The following SLC26A5 variants were observed in gnomAD, a reference collection of about 807,000 sequenced individuals.
The protein encoded by SLC26A5 is solute carrier family 26 member 5, also known as prestin.
SLC26A5 carries 51 observed loss-of-function variants against 81.0 expected under a neutral mutation model. That is an observed-to-expected ratio of 0.63 (90% confidence interval 0.50 to 0.80). The LOEUF is 0.80. Ranked by LOEUF, SLC26A5 falls within the 30% of genes least tolerant of loss-of-function variation. SLC26A5 has a pLI of 0.00. For missense variants in SLC26A5, 771 were observed against 905.8 expected (o/e 0.85, Z 1.91); for synonymous variants, 325 against 332.8 (o/e 0.98, Z 0.25).
intron 2 of SLC26A5, among the ~76,000 whole-genome samples, chr7:103,434,662 T>C (rs1444492060): frequency 2.6e-5 from 4 of 152,094 alleles, no homozygotes; most frequent in African/African-American, 9.7e-5. Flanking sequence ...TTTATTTATT[T>C]ATTTATTGAG....
chr7:103,425,942 A>G (rs1290231410), intron 2 of SLC26A5, among the ~76,000 whole-genome samples: 1 of 152,186 alleles, frequency 6.6e-6, no homozygotes, highest in East Asian at 1.9e-4. Flanking sequence ...GCAAAGGCTC[A>G]AAACCACTGA....
chr7:103,432,699 G>A (rs188753562), intron 2 of SLC26A5, among the ~76,000 whole-genome samples: 4 of 151,712 alleles, frequency 2.6e-5, no homozygotes, highest in Non-Finnish European at 5.9e-5. Flanking sequence ...TCTTCTGCTT[G>A]TTCTGTTTGC....
At chr7:103,420,608 C>T in intron 4 of SLC26A5, 130 bp downstream of exon 4, 2 of 1,267,864 alleles carry the variant, frequency 1.6e-6, no homozygotes, top group Non-Finnish European at 2.2e-6. Flanking sequence ...CTGAAGAATA[C>T]CTTTAGATAG....
chr7:103,403,172 GT>G (rs1254817027), intron 8 of SLC26A5, among the ~76,000 whole-genome samples: 5 of 152,188 alleles, frequency 3.3e-5, no homozygotes, highest in African/African-American at 1.2e-4. Flanking sequence ...TTTCCATGTA[GT>G]TATGCAGTTT....
chr7:103,405,638 CT>C (rs1823985162), intron 8 of SLC26A5, among the ~76,000 whole-genome samples: 1 of 152,208 alleles, frequency 6.6e-6, no homozygotes, highest in Admixed American at 6.5e-5. Flanking sequence ...TGGGAGGTGT[CT>C]CCCAGTCAGG....
intron 8 of SLC26A5, among the ~76,000 whole-genome samples, 195 bp from the exon 9 acceptor site, chr7:103,398,209 C>T (rs1563542187): frequency 6.6e-6 from 1 of 152,186 alleles, no homozygotes; most frequent in African/African-American, 2.4e-5. Flanking sequence ...AAAATGAACT[C>T]TACAGAGTTT....
At chr7:103,387,821 A>G (rs1822314267) in intron 14 of SLC26A5, among the ~76,000 whole-genome samples, 1 of 152,084 alleles carries the variant, frequency 6.6e-6, no homozygotes, top group Non-Finnish European at 1.5e-5. Context: ...AGCTGGGATT[A>G]CAGGTGCACG....
At chr7:103,389,288 C>G (rs1563528802) in intron 13 of SLC26A5, 41 bp downstream of exon 13, 5 of 1,428,218 alleles carry the variant, frequency 3.5e-6, no homozygotes, top group Non-Finnish European at 4.0e-6. Context: ...ATCATATCTG[C>G]TCTATGACAT....
At chr7:103,441,937 G>T (rs57800377) in intron 2 of SLC26A5, among the ~76,000 whole-genome samples, 6,127 of 152,238 alleles carry the variant, frequency 0.04, 212 homozygotes, top group East Asian at 0.18. Context: ...GCGCAATGCT[G>T]GGCCAGGCTA....
intron 11 of SLC26A5, among the ~76,000 whole-genome samples, chr7:103,391,211 C>T (rs1422940313): frequency 6.6e-6 from 1 of 152,182 alleles, no homozygotes; most frequent in Non-Finnish European, 1.5e-5. Context: ...GTCGAACTAA[C>T]CACATTTCAA....
In SLC26A5 at chr7:103,362,237, T is replaced by G. The variant is rs191477205; in HGVS notation, c.2042-9311A>C. The G allele has an allele frequency of 1.2e-4, 178 of 1,443,362 alleles. 1 individual carries two copies. The East Asian group carries it at 2.6e-3, about 21-fold the overall frequency. The allele number at this position is 1,443,362 out of a possible 1,614,324, so 89.4% of individuals were successfully genotyped here. ...ATGTACTATAGTTGAAAATTCTGTC[T>G]TCTGCATCTGCTTCCTAACTTCCCA... On this transcript the variant is annotated intron_variant, in intron 19 of 19. Coordinates refer to the SLC26A5 transcript ENST00000339444.
chr7:103,384,265 G>A (rs1822014999), intron 14 of SLC26A5, among the ~76,000 whole-genome samples: 1 of 152,042 alleles, frequency 6.6e-6, no homozygotes, highest in Non-Finnish European at 1.5e-5. Context: ...TTATGGGCAT[G>A]AGATGAGACA....
rs142832090 is a variant in SLC26A5 at position 103,390,416 on chromosome 7, A to G, written c.1311+13T>C. 141 of 1,611,840 alleles carry G rather than the reference A, an allele frequency of 8.7e-5. No homozygotes were observed. In the Middle Eastern group the frequency reaches 2.5e-3, roughly 28 times the overall value. On this transcript the variant is annotated intron_variant, in intron 12 of 19. Coordinates refer to ENST00000306312, the MANE Select transcript of SLC26A5 (RefSeq NM_198999.3). The stretch of plus-strand genomic sequence containing the variant: ...CATGAAAAAAACTTCACCCAAGTCC[A>G]CATTACACACACCTGGGGCAATGAT...
intron 19 of SLC26A5, chr7:103,363,218 A>T: frequency 1.4e-6 from 1 of 714,374 alleles, no homozygotes; most frequent in African/African-American, 1.8e-5. Context: ...TGGGCAATGT[A>T]TTCAATTTTT....
chr7:103,408,426 C>A (rs1159309634), intron 7 of SLC26A5, among the ~76,000 whole-genome samples: 1 of 152,048 alleles, frequency 6.6e-6, no homozygotes, highest in East Asian at 1.9e-4. Flanking sequence ...GGAGTTTCAC[C>A]ATGTTGGTCA....
rs554623948 is a variant in SLC26A5 at position 103,352,799 on chromosome 7, G to A, written c.*111C>T. On this transcript the variant is annotated 3_prime_UTR_variant, in exon 20 of 20. Coordinates refer to the SLC26A5 transcript ENST00000339444. ...CAGAAGTGTTAAGTGACTTGGCTGAGGTCACCCCACTAACAGATTCCAGAG... is the reference window on the plus strand; with the variant it reads ...CAGAAGTGTTAAGTGACTTGGCTGAAGTCACCCCACTAACAGATTCCAGAG... The A allele has an allele frequency of 1.8e-5, 14 of 779,320 alleles. No homozygotes were observed. In the Admixed American group the frequency reaches 2.0e-4, roughly 11 times the overall value. 48.3% of individuals were successfully genotyped at this position (779,320 alleles called of 1,614,324 possible). A position where few individuals can be genotyped will look rare whatever the true frequency, so the allele number is the denominator to read the frequency against.
At chr7:103,380,971 C>T (rs1821732101) in intron 14 of SLC26A5, among the ~76,000 whole-genome samples, 1 of 151,188 alleles carries the variant, frequency 6.6e-6, no homozygotes, top group South Asian at 2.1e-4. Flanking sequence ...TGCATACATA[C>T]CACATGTATA....
rs1290688170 is a variant in SLC26A5, at chr7:103,389,312, T to G, written c.1407+17A>C. 1 of 1,547,136 alleles carries G rather than the reference T, an allele frequency of 6.5e-7. No homozygotes were observed. The highest frequency in any genetic ancestry group is 1.1e-5 in the South Asian group (1 of 89,724). ...GCTCTATGACATATTAACAGAGCCATCACCTTTGTTACTTACCAGCTCTAT... is the reference window on the plus strand; with the variant it reads ...GCTCTATGACATATTAACAGAGCCAGCACCTTTGTTACTTACCAGCTCTAT... On this transcript the variant is annotated intron_variant, in intron 13 of 19. Coordinates refer to ENST00000306312, the MANE Select transcript of SLC26A5 (RefSeq NM_198999.3).
At chr7:103,399,976 G>A (rs1335938026) in intron 8 of SLC26A5, among the ~76,000 whole-genome samples, 1 of 152,024 alleles carries the variant, frequency 6.6e-6, no homozygotes, top group Non-Finnish European at 1.5e-5. Flanking sequence ...ATCATTGATG[G>A]GCATTTGGGT....
Sources: gnomAD v4.1 joint callset for allele counts (sites outside exome capture counted in the v4.1 genomes callset) on GRCh38, gnomAD v4.1.1 for gene constraint, MANE v1.5 for transcripts, NCBI Gene and HGNC (gene_info 2026-07-23, HGNC 2026-07-21) for gene names.